Variants in CHD5 observed in about 807,000 individuals in gnomAD.
The protein encoded by CHD5 is chromodomain helicase DNA binding protein 5.
A neutral mutation model predicts 230.3 loss-of-function variants in CHD5; 69 were observed. The observed-to-expected ratio is 0.30, with a 90% CI of 0.25 to 0.37. The LOEUF (loss-of-function observed/expected upper bound fraction) is 0.37. Ranked by LOEUF, CHD5 falls within the 10% of genes least tolerant of loss-of-function variation. CHD5 has a pLI of 1.00. For synonymous variants in CHD5, 1,064 were observed against 1,065.9 expected (o/e 1.00, Z 0.03); for missense variants, 1,827 against 2,622.8 (o/e 0.70, Z 6.63).
chr1:6,109,246 G>C (rs1666246337), intron 38 of CHD5, among the ~76,000 whole-genome samples: 1 of 152,110 alleles, frequency 6.6e-6, no homozygotes, highest in South Asian at 2.1e-4. Context: ...GAGTACACCA[G>C]GGAGGGCTGC....
intron 18 of CHD5, 31 bp downstream of exon 18, chr1:6,135,199 C>T (rs1666719643): frequency 1.2e-6 from 2 of 1,612,836 alleles, no homozygotes; most frequent in South Asian, 1.1e-5. Flanking sequence ...AGGGCGAGCA[C>T]AGGCTGCTCC....
intron 3 of CHD5, among the ~76,000 whole-genome samples, chr1:6,157,115 CCT>C (rs1377623048): frequency 6.6e-6 from 1 of 152,232 alleles, no homozygotes; most frequent in African/African-American, 2.4e-5. Flanking sequence ...TTCTTCCTTC[CCT>C]GACACCCCAC....
intron 18 of CHD5, 59 bp downstream of exon 18, chr1:6,135,168 CAGG>C: frequency 1.3e-6 from 2 of 1,599,078 alleles, no homozygotes; most frequent in Non-Finnish European, 1.7e-6. Flanking sequence ...GGAATCGACC[CAGG>C]AGACCAGCCC....
chr1:6,150,296 G>C (rs771159657), intron 7 of CHD5, among the ~76,000 whole-genome samples: 1 of 150,656 alleles, frequency 6.6e-6, no homozygotes, highest in Non-Finnish European at 1.5e-5. Context: ...ACAAATGGAT[G>C]ATGGATGAAT....
At chr1:6,132,632 T>G (rs1666676062) in intron 20 of CHD5, among the ~76,000 whole-genome samples, 1 of 152,246 alleles carries the variant, frequency 6.6e-6, no homozygotes, top group Non-Finnish European at 1.5e-5. Context: ...CTCTGTACAT[T>G]GCATTCTGGG....
At chr1:6,111,361 C>A (rs1220555596) in intron 36 of CHD5, among the ~76,000 whole-genome samples, 1 of 151,686 alleles carries the variant, frequency 6.6e-6, no homozygotes, top group East Asian at 1.9e-4. Flanking sequence ...TGGTGAAACC[C>A]CGTCTCTACT....
chr1:6,154,174 T>C lies in CHD5; in HGVS notation c.745+486A>G, dbSNP rs947608687. ...AGGGGCAGGGCCTCCATGCTCCACA[T>C]TGGCCGAGGGCCTGGAGAACAACCC... is the stretch of plus-strand genomic sequence containing the variant. On this transcript the variant is annotated intron_variant, in intron 5 of 41. Coordinates refer to ENST00000262450, the MANE Select transcript of CHD5 (RefSeq NM_015557.3). This position sits in a 1 kb window ranked among gnomAD's most constrained non-coding sequence, Gnocchi z 7.0. Among the ~76,000 whole-genome samples the C allele has an allele frequency of 1.3e-5, 2 of 152,160 alleles. No individual in the cohort carries two copies. Among genetic ancestry groups the C allele is most frequent in the East Asian group, 1.9e-4 (1 of 5,190 alleles).
intron 34 of CHD5, among the ~76,000 whole-genome samples, chr1:6,112,705 C>A (rs1465087046): frequency 1.3e-5 from 2 of 152,330 alleles, no homozygotes; most frequent in South Asian, 4.1e-4. Flanking sequence ...AAGGGCACAG[C>A]AGGGCTCAGG....
Position 6,110,538 on chromosome 1 carries a change from A to C in CHD5, c.5250-12T>G. 6.2e-7 allele frequency: 1 copy of C among 1,610,926 alleles called. No individual in the cohort carries two copies. Among genetic ancestry groups the C allele is most frequent in the Non-Finnish European group, 8.5e-7 (1 of 1,179,078 alleles). ...GGGCGTAGCCGTGCCTGGGTGGGGC[A>C]CCATTAAGGGCAAACCTGGCCGTTA... On this transcript the variant is annotated splice_polypyrimidine_tract_variant and intron_variant, in intron 36 of 41. Transcript: ENST00000262450.
Position 6,121,225 on chromosome 1 carries a change from C to A in CHD5, c.4792G>T (p.Ala1598Ser), listed in dbSNP as rs761874883. The A allele has an allele frequency of 1.2e-6, 2 of 1,611,390 alleles. No homozygotes were observed. The highest frequency in any genetic ancestry group is 1.3e-5 in the African/African-American group (1 of 74,866). ...QPLEVQALPA[A>S]LDRVESEDKH... ...TCCTCACTCTCCACTCTATCCAAGGCGGCTGGAAGGGCCTGCAGAGGAAAA... is the reference window on the plus strand; with the variant it reads ...TCCTCACTCTCCACTCTATCCAAGGAGGCTGGAAGGGCCTGCAGAGGAAAA... The change falls in exon 33 of 42, where the codon GCC becomes TCC. Residue 1598 changes from alanine (A) to serine (S), a missense_variant. By Grantham distance (99) the Ala-to-Ser change is moderately conservative. This residue lies in a region of CHD5 where 272 missense variants were observed against 263.2 expected (regional missense o/e 1.03). Coordinates refer to ENST00000262450, the MANE Select transcript of CHD5 (RefSeq NM_015557.3). The surrounding 1 kb of genome is among the most constrained non-coding windows in gnomAD (Gnocchi z 4.5).
Position 6,130,537 on chromosome 1 carries a change from G to A in CHD5, c.3263-209C>T, listed in dbSNP as rs537052581. On this transcript the variant is annotated intron_variant, in intron 21 of 41. Coordinates refer to ENST00000262450, the MANE Select transcript of CHD5 (RefSeq NM_015557.3). This position sits in a 1 kb window ranked among gnomAD's most constrained non-coding sequence, Gnocchi z 4.9. The stretch of plus-strand genomic sequence containing the variant: ...TGCCCAAGCCCACTTAGCCCCCAGC[G>A]AGCTCTGAGCCCTAGTGCAGTGGGA... 3.3e-5 allele frequency among the ~76,000 whole-genome samples: 5 copies of A among 152,142 alleles called. No homozygotes were observed. Among genetic ancestry groups the A allele is most frequent in the Non-Finnish European group, 5.9e-5 (4 of 68,012 alleles).
chr1:6,151,908 AGTGTCT>A (rs1667014409), intron 6 of CHD5, among the ~76,000 whole-genome samples: 1 of 152,128 alleles, frequency 6.6e-6, no homozygotes, highest in Admixed American at 6.5e-5. Context: ...ACCTGGGCTT[AGTGTCT>A]GAGCCTGGGC....
chr1:6,128,263 T>C lies in CHD5; in HGVS notation c.3731-45A>G, dbSNP rs1346730024. On this transcript the variant is annotated intron_variant, in intron 24 of 41. Transcript: ENST00000262450. This position sits in a 1 kb window ranked among gnomAD's most constrained non-coding sequence, Gnocchi z 7.8. ...AGTGTGAGGACAAAGACTGCCCTGG[T>C]CCAGCCCCGGGGTCCCAGGAACAGA... is the stretch of plus-strand genomic sequence containing the variant. The C allele has an allele frequency of 6.3e-7, 1 of 1,591,338 alleles. No individual in the cohort carries two copies. Among genetic ancestry groups the C allele is most frequent in the Non-Finnish European group, 8.6e-7 (1 of 1,164,016 alleles).
At chr1:6,119,771 G>A (rs771157357) in intron 33 of CHD5, among the ~76,000 whole-genome samples, 4 of 150,352 alleles carry the variant, frequency 2.7e-5, no homozygotes, top group Non-Finnish European at 4.4e-5. Context: ...GCGTACATAC[G>A]TACATATGTG....
chr1:6,174,882 T>C (rs1402099983), intron 1 of CHD5, among the ~76,000 whole-genome samples: 3 of 145,198 alleles, frequency 2.1e-5, no homozygotes, highest in Non-Finnish European at 4.5e-5. Flanking sequence ...GATGAATGGA[T>C]AGATGGATGG....
At position 6,105,057 on chromosome 1, in the gene CHD5, G is replaced by A. The variant is rs116798590; in HGVS notation, c.*417C>T. The stretch of plus-strand genomic sequence containing the variant: ...ACTACCTTGGGTCTGGAACCCATCG[G>A]TAAAGAGACATCAGTGCTGCAGGTT... On this transcript the variant is annotated 3_prime_UTR_variant, in exon 42 of 42. Transcript: ENST00000262450. The surrounding 1 kb of genome is among the most constrained non-coding windows in gnomAD (Gnocchi z 4.8). The A allele has an allele frequency of 2.3e-3, 692 of 301,748 alleles. 3 individuals carry two copies. Among genetic ancestry groups the A allele is most frequent in the Middle Eastern group, 7.5e-3 (6 of 804 alleles). The allele number at this position is 301,748 out of a possible 1,614,324, so 18.7% of individuals were successfully genotyped here.
chr1:6,178,691 G>A (rs976243801), intron 1 of CHD5, among the ~76,000 whole-genome samples: 1 of 152,108 alleles, frequency 6.6e-6, no homozygotes, highest in Non-Finnish European at 1.5e-5. Flanking sequence ...TAACAGGCGA[G>A]GTGAGTGCCG....
At chr1:6,162,194 C>A (rs1424212502) in intron 2 of CHD5, among the ~76,000 whole-genome samples, 1 of 151,964 alleles carries the variant, frequency 6.6e-6, no homozygotes, top group Non-Finnish European at 1.5e-5. Context: ...CTAGCCTGAC[C>A]AACTTGGAGA....
chr1:6,152,684 A>C, intron 5 of CHD5, 148 bp from the exon 6 acceptor site: 1 of 1,346,018 alleles, frequency 7.4e-7, no homozygotes, highest in Non-Finnish European at 1.0e-6. Context: ...AGGCTTGGAG[A>C]GGTAAACCCC....
Sources: allele counts gnomAD v4.1 joint callset (sites outside exome capture counted in the v4.1 genomes callset), GRCh38; gene constraint gnomAD v4.1.1; regional missense constraint gnomAD v4.1.1; non-coding constraint Gnocchi (gnomAD v3.1); transcripts MANE v1.5; gene names NCBI Gene and HGNC (gene_info 2026-07-23, HGNC 2026-07-21).